Variants in ASRGL1 observed in about 807,000 individuals in gnomAD.
The protein encoded by ASRGL1 is asparaginase and isoaspartyl peptidase 1.
ASRGL1 carries 16 observed loss-of-function variants against 22.4 expected under a neutral mutation model. The ratio of observed to expected loss-of-function variants is 0.71; its 90% CI spans 0.48 to 1.08. ASRGL1 has a LOEUF of 1.08. Ranked by LOEUF, ASRGL1 falls within the 50% of genes least tolerant of loss-of-function variation. The pLI is 0.00. For missense variants in ASRGL1, 412 were observed against 410.1 expected, an observed-to-expected ratio of 1.00 and a Z score of -0.04; for synonymous variants, 165 against 159.3, an observed-to-expected ratio of 1.04 and a Z score of -0.27.
At chr11:62,365,602 C>A (rs1590732979) in intron 4 of ASRGL1, among the ~76,000 whole-genome samples, 1 of 152,058 alleles carries the variant, frequency 6.6e-6, no homozygotes, top group Non-Finnish European at 1.5e-5. Context: ...GTAATCCCAG[C>A]ACTTTGGGAG....
chr11:62,337,887 C>G lies in ASRGL1; in HGVS notation c.-88-3C>G. 4 of 1,384,232 alleles carry G rather than the reference C, an allele frequency of 2.9e-6. No individual in the cohort carries two copies. Among genetic ancestry groups the G allele is most frequent in the Non-Finnish European group, 3.9e-6 (4 of 1,022,298 alleles). 85.7% of individuals were successfully genotyped at this position (1,384,232 alleles called of 1,614,324 possible). A position where few individuals can be genotyped will look rare whatever the true frequency, so the allele number is the denominator to read the frequency against. On this transcript the variant is annotated splice_region_variant and splice_polypyrimidine_tract_variant and intron_variant, in intron 1 of 6. Transcript: ENST00000415229. ...GAACAGAGACTGGGCATTGTCCCCA[C>G]AGGGTCTCCCGAGGACCTTGTACCC...
chr11:62,371,910 C>A (rs547161205), intron 4 of ASRGL1: 94 of 570,426 alleles, frequency 1.6e-4, no homozygotes, highest in African/African-American at 1.6e-3. Flanking sequence ...GCCGAGATCG[C>A]GCCACTGCAC....
intron 2 of ASRGL1, among the ~76,000 whole-genome samples, chr11:62,349,016 T>G (rs1946105287): frequency 6.6e-6 from 1 of 151,952 alleles, no homozygotes; most frequent in African/African-American, 2.4e-5. Context: ...TCGCCCAGGC[T>G]GGAGTGCAGT....
chr11:62,339,670 T>C (rs528129091), intron 2 of ASRGL1, among the ~76,000 whole-genome samples: 1 of 152,346 alleles, frequency 6.6e-6, no homozygotes, highest in African/African-American at 2.4e-5. Context: ...GATTCACTTA[T>C]GAGTTAATCA....
chr11:62,395,291 C>T (rs1225552949), downstream of ASRGL1, among the ~76,000 whole-genome samples: 1 of 152,144 alleles, frequency 6.6e-6, no homozygotes, highest in Non-Finnish European at 1.5e-5. Flanking sequence ...AGCCCGGCCC[C>T]GCCCCCACTT....
intron 2 of ASRGL1, among the ~76,000 whole-genome samples, chr11:62,355,906 C>T (rs950289318): frequency 6.6e-6 from 1 of 152,152 alleles, no homozygotes; most frequent in Admixed American, 6.5e-5. Context: ...TGAGTGGACA[C>T]AGCACATGTT....
chr11:62,363,058 C>A (rs532867849), intron 4 of ASRGL1, among the ~76,000 whole-genome samples: 11 of 149,524 alleles, frequency 7.4e-5, no homozygotes, highest in Non-Finnish European at 1.5e-4. Flanking sequence ...CTCAGCCTCC[C>A]GAGTAGCTGG....
At chr11:62,342,008 G>A (rs1945875725) in intron 2 of ASRGL1, among the ~76,000 whole-genome samples, 1 of 152,144 alleles carries the variant, frequency 6.6e-6, no homozygotes, top group African/African-American at 2.4e-5. Flanking sequence ...TGTTGAAAGG[G>A]TACACTTGTC....
At chr11:62,398,885 A>G in the ASRGL1 span, among the ~76,000 whole-genome samples, 1 of 152,276 alleles carries the variant, frequency 6.6e-6, no homozygotes, top group East Asian at 1.9e-4. Flanking sequence ...ATTCCAATAT[A>G]TGGCCAGGCG....
chr11:62,362,662 AATATATAAT>A (rs1946494059), intron 4 of ASRGL1, among the ~76,000 whole-genome samples: 1 of 90,054 alleles, frequency 1.1e-5, no homozygotes, highest in Non-Finnish European at 2.0e-5. Flanking sequence ...TATTATATAA[AATATATAAT>A]ATATATTATA....
intron 2 of ASRGL1, among the ~76,000 whole-genome samples, chr11:62,346,940 A>T (rs1310609345): frequency 6.6e-6 from 1 of 151,036 alleles, no homozygotes; most frequent in Non-Finnish European, 1.5e-5. Context: ...ACTGCACTCC[A>T]GCCTGGGGCG....
intron 4 of ASRGL1, chr11:62,382,699 G>A (rs1001619882): frequency 3.9e-5 from 6 of 152,020 alleles, no homozygotes; most frequent in Admixed American, 6.6e-5. Flanking sequence ...GCTGGGGGAC[G>A]GTCAGGTCTT....
At chr11:62,399,223 AAAG>A in the ASRGL1 span, among the ~76,000 whole-genome samples, 35 of 152,320 alleles carry the variant, frequency 2.3e-4, no homozygotes, top group South Asian at 7.2e-3. Flanking sequence ...ACTCAAAAAA[AAAG>A]AACTTCCAAC....
chr11:62,380,315 CTT>C (rs1947032886), intron 4 of ASRGL1, among the ~76,000 whole-genome samples: 1 of 152,054 alleles, frequency 6.6e-6, no homozygotes, highest in Non-Finnish European at 1.5e-5. Context: ...CGGTAATTGA[CTT>C]TTGAGCAGCA....
rs771170549 is a variant in ASRGL1 at position 62,365,067 on chromosome 11, C to CA, written c.491+7938dup. On this transcript the variant is annotated intron_variant, in intron 4 of 6. Coordinates refer to ENST00000415229, the MANE Select transcript of ASRGL1 (RefSeq NM_001083926.2). ...CTGGGTGACAAGCAAAACTCCATCTCAAAAAAAAAAAAAAAGAAAGAAACA... is the reference window on the plus strand; with the variant it reads ...CTGGGTGACAAGCAAAACTCCATCTCAAAAAAAAAAAAAAAAGAAAGAAACA... Among the ~76,000 whole-genome samples, 402 of 81,870 alleles carry CA rather than the reference C, an allele frequency of 4.9e-3. 1 individual carries two copies. The highest frequency in any genetic ancestry group is 6.9e-3 in the Admixed American group (54 of 7,834). The allele number at this position is 81,870 out of a possible 152,430, so 53.7% of individuals were successfully genotyped here.
chr11:62,391,942 C>A, intron 6 of ASRGL1, 137 bp from the exon 7 acceptor site: 1 of 1,013,232 alleles, frequency 9.9e-7, no homozygotes, highest in East Asian at 2.5e-5. Context: ...GAGGTGAGGA[C>A]CCTCCTTTTA....
intron 4 of ASRGL1, among the ~76,000 whole-genome samples, chr11:62,387,240 C>T (rs1232896278): frequency 2.0e-5 from 3 of 152,052 alleles, no homozygotes; most frequent in African/African-American, 7.2e-5. Context: ...CAGGTTGTGT[C>T]ACTTCCTAAC....
rs545893158 is a variant in ASRGL1 at position 62,353,574 on chromosome 11, G to A, written c.191-2751G>A. Among the ~76,000 whole-genome samples, 54 of 152,168 alleles carry A rather than the reference G, an allele frequency of 3.5e-4. No individual in the cohort carries two copies. The South Asian group carries it at 0.011, about 30-fold the overall frequency. ...GTTGGTCTTGAACTAGGCCTCAAGAGATCCTCTTGCCTCAGCCTCCCAAAG... is the reference window on the plus strand; with the variant it reads ...GTTGGTCTTGAACTAGGCCTCAAGAAATCCTCTTGCCTCAGCCTCCCAAAG... On this transcript the variant is annotated intron_variant, in intron 2 of 6. Coordinates refer to ENST00000415229, the MANE Select transcript of ASRGL1 (RefSeq NM_001083926.2).
chr11:62,377,908 G>A (rs922877169), intron 4 of ASRGL1, among the ~76,000 whole-genome samples: 2 of 152,186 alleles, frequency 1.3e-5, no homozygotes, highest in African/African-American at 4.8e-5. Context: ...AGAATGTGCA[G>A]TAGCAAAAAT....
Sources: gnomAD v4.1 joint callset for allele counts (sites outside exome capture counted in the v4.1 genomes callset) on GRCh38, gnomAD v4.1.1 for gene constraint, MANE v1.5 for transcripts, NCBI Gene and HGNC (gene_info 2026-07-23, HGNC 2026-07-21) for gene names.